The following NAALADL2 variants were observed in gnomAD, a reference collection of about 807,000 sequenced individuals.
NAALADL2 encodes the protein inactive N-acetylated-alpha-linked acidic dipeptidase-like protein 2.
In NAALADL2, 76 loss-of-function variants were observed where a neutral mutation model predicts 87.2. The ratio of observed to expected loss-of-function variants is 0.87; its 90% confidence interval spans 0.72 to 1.05. NAALADL2 has a LOEUF of 1.05. Among genes scored for constraint, NAALADL2 ranks in the 50% least tolerant of loss-of-function variants. The pLI is 0.00. For missense variants in NAALADL2, 1,089 were observed against 945.8 expected, an observed-to-expected ratio of 1.15 and a Z score of -1.99; for synonymous variants, 354 against 331.0, an observed-to-expected ratio of 1.07 and a Z score of -0.75.
At chr3:174,973,149 G>T (rs992228355) in intron 1 of NAALADL2, among the ~76,000 whole-genome samples, 1 of 152,124 alleles carries the variant, frequency 6.6e-6, no homozygotes, top group African/African-American at 2.4e-5. Context: ...AAAGGTATAA[G>T]TATCTTTAGG....
chr3:175,139,431 T>C (rs578189968), intron 2 of NAALADL2, among the ~76,000 whole-genome samples: 1 of 152,216 alleles, frequency 6.6e-6, no homozygotes, highest in African/African-American at 2.4e-5. Context: ...ATTGCAAAAG[T>C]CATTATTATC....
At chr3:174,565,925 A>G (rs905908911) in intron 2 of NAALADL2, among the ~76,000 whole-genome samples, 1 of 151,862 alleles carries the variant, frequency 6.6e-6, no homozygotes, top group Non-Finnish European at 1.5e-5. Flanking sequence ...TACTACATCC[A>G]TATTTATTTT....
In NAALADL2 at chr3:175,502,228, G is replaced by GGGGTGTGTGTGT. The variant is rs373702257; in HGVS notation, c.1653+30471_1653+30472insGGTGTGTGTGTG. On this transcript the variant is annotated intron_variant, in intron 9 of 13. Coordinates refer to ENST00000454872, the MANE Select transcript of NAALADL2 (RefSeq NM_207015.3). ...AGATATTTGGCAAACCATTATCCTG[G>GGGGTGTGTGTGT]GTGTGTGTGTGTGTGTGTGTGTGTG... Among the ~76,000 whole-genome samples, 481 of 147,388 alleles carry GGGGTGTGTGTGT rather than the reference G, an allele frequency of 3.3e-3. 4 individuals are homozygous for GGGGTGTGTGTGT. The highest frequency in any genetic ancestry group is 0.011 in the African/African-American group (448 of 40,176).
intron 1 of NAALADL2, among the ~76,000 whole-genome samples, chr3:175,024,311 G>C (rs1390065961): frequency 6.6e-6 from 1 of 151,972 alleles, no homozygotes; most frequent in Non-Finnish European, 1.5e-5. Flanking sequence ...TTTGTGCTTT[G>C]TATAAAGCCA....
chr3:175,784,915 A>G (rs904344579), intron 13 of NAALADL2, among the ~76,000 whole-genome samples: 2 of 120,656 alleles, frequency 1.7e-5, no homozygotes, highest in South Asian at 2.6e-4. Flanking sequence ...CTTTGTTCTC[A>G]TTGGTTTCAA....
intron 5 of NAALADL2, among the ~76,000 whole-genome samples, chr3:175,420,890 A>G (rs1046720244): frequency 2.4e-4 from 37 of 151,992 alleles, no homozygotes; most frequent in African/African-American, 8.2e-4. Context: ...TTCCTAGTAT[A>G]TATGTTTGCC....
At position 174,819,280 on chromosome 3, in the gene NAALADL2, G is replaced by T. The variant is rs142891061; in HGVS notation, c.-9+81534G>T. On this transcript the variant is annotated intron_variant, in intron 3 of 3. Coordinates refer to the NAALADL2 transcript ENST00000434257. ...GGGTTTCACCATGTTGCCCAGGCTGGTTTTGAACTCCTGAGGTCAAGCAAT... is the reference window on the plus strand; with the variant it reads ...GGGTTTCACCATGTTGCCCAGGCTGTTTTTGAACTCCTGAGGTCAAGCAAT... Among the ~76,000 whole-genome samples, 25 of 151,642 alleles carry T rather than the reference G, an allele frequency of 1.6e-4. No individual in the cohort carries two copies. In the East Asian group the frequency reaches 2.1e-3, roughly 13 times the overall value.
intron 5 of NAALADL2, among the ~76,000 whole-genome samples, chr3:175,356,598 AATAATAATAAT>A (rs1451896060): frequency 1.0e-4 from 15 of 146,786 alleles, no homozygotes; most frequent in African/African-American, 3.4e-4. Flanking sequence ...TAATAATAAT[AATAATAATAAT>A]AAAGAAATAA....
At chr3:175,370,823 G>T (rs114227227) in intron 5 of NAALADL2, among the ~76,000 whole-genome samples, 4 of 152,072 alleles carry the variant, frequency 2.6e-5, no homozygotes, top group African/African-American at 9.7e-5. Flanking sequence ...TCAATAAAAG[G>T]GTAATGGAAG....
chr3:174,536,934 C>T (rs973170510), intron 1 of NAALADL2, among the ~76,000 whole-genome samples: 1 of 152,052 alleles, frequency 6.6e-6, no homozygotes, highest in African/African-American at 2.4e-5. Context: ...AACAATAATG[C>T]AAATAACAAT....
chr3:175,540,862 A>T (rs1385276877), intron 9 of NAALADL2, among the ~76,000 whole-genome samples: 1 of 152,190 alleles, frequency 6.6e-6, no homozygotes, highest in East Asian at 1.9e-4. Context: ...TACTTCGATA[A>T]TATTAAAGAG....
At chr3:175,733,893 C>A (rs1744130328) in intron 11 of NAALADL2, among the ~76,000 whole-genome samples, 1 of 152,208 alleles carries the variant, frequency 6.6e-6, no homozygotes, top group South Asian at 2.1e-4. Flanking sequence ...AAATGATCTC[C>A]TTTGACTCCA....
chr3:175,229,945 G>A (rs1744700626), intron 2 of NAALADL2, among the ~76,000 whole-genome samples: 1 of 151,952 alleles, frequency 6.6e-6, no homozygotes, highest in African/African-American at 2.4e-5. Context: ...CTATAATAAA[G>A]TTGTAATAAT....
intron 3 of NAALADL2, among the ~76,000 whole-genome samples, chr3:174,751,578 G>C (rs1207823616): frequency 1.3e-5 from 2 of 150,622 alleles, no homozygotes; most frequent in African/African-American, 4.9e-5. Flanking sequence ...CAGGAGAATT[G>C]CTTGAGCCCG....
chr3:174,697,149 TTGA>T (rs1283983627), intron 2 of NAALADL2, among the ~76,000 whole-genome samples: 4 of 152,176 alleles, frequency 2.6e-5, no homozygotes, highest in African/African-American at 7.2e-5. Context: ...ATAAAGCATC[TTGA>T]TGATAGCAAT....
Position 175,239,138 on chromosome 3 carries a change from T to A in NAALADL2, c.819+4934T>A, listed in dbSNP as rs187781846. On this transcript the variant is annotated intron_variant, in intron 3 of 13. Coordinates refer to ENST00000454872, the MANE Select transcript of NAALADL2 (RefSeq NM_207015.3). ...TACTTTACAACTTCTTTGTAATTCA[T>A]CGTGCACTAGAAAGGTGACATAGTT... Among the ~76,000 whole-genome samples the A allele has an allele frequency of 3.2e-4, 49 of 152,332 alleles. 2 individuals carry two copies. The highest frequency in any genetic ancestry group is 1.9e-3 in the Admixed American group (29 of 15,292).
rs140559825 is a variant in NAALADL2 at position 175,471,271 on chromosome 3, G to T, written c.1534-368G>T. 4.8e-3 allele frequency among the ~76,000 whole-genome samples: 732 copies of T among 151,962 alleles called. 6 individuals carry two copies. Among genetic ancestry groups the T allele is most frequent in the African/African-American group, 0.015 (629 of 41,472 alleles). The stretch of plus-strand genomic sequence containing the variant: ...GAGGCTGAGGCTGGCAGGTCACGAG[G>T]TCAGGAGATCAAGACCATCCTCGCT... On this transcript the variant is annotated intron_variant, in intron 8 of 13. Coordinates refer to ENST00000454872, the MANE Select transcript of NAALADL2 (RefSeq NM_207015.3).
At chr3:174,791,814 T>C (rs929908101) in intron 3 of NAALADL2, among the ~76,000 whole-genome samples, 1 of 152,162 alleles carries the variant, frequency 6.6e-6, no homozygotes, top group African/African-American at 2.4e-5. Flanking sequence ...TACTGTAAGC[T>C]CCATAGAGGA....
intron 1 of NAALADL2, among the ~76,000 whole-genome samples, chr3:175,093,848 G>T (rs1720629604): frequency 6.6e-6 from 1 of 151,906 alleles, no homozygotes; most frequent in African/African-American, 2.4e-5. Flanking sequence ...TCATAGTGAG[G>T]AGTTAATATG....
Sources: allele counts gnomAD v4.1 joint callset (sites outside exome capture counted in the v4.1 genomes callset), GRCh38; gene constraint gnomAD v4.1.1; transcripts MANE v1.5; gene names NCBI Gene and HGNC (gene_info 2026-07-23, HGNC 2026-07-21).